DCT: variants seen among roughly 807,000 people sequenced by gnomAD.
DCT encodes L-dopachrome tautomerase.
Under a neutral mutation model 53.0 loss-of-function variants are expected in DCT, and 47 were observed. The observed-to-expected ratio is 0.89, with a 90% CI of 0.70 to 1.13. The LOEUF is 1.13. Ranked by LOEUF, DCT falls within the 50% of genes most tolerant of loss-of-function variation. DCT has a pLI of 0.00. For missense variants in DCT, 669 were observed against 637.4 expected (o/e 1.05, Z -0.53); for synonymous variants, 244 against 237.0 (o/e 1.03, Z -0.27).
At chr13:94,541,372 TG>T in the DCT span, among the ~76,000 whole-genome samples, 2 of 151,946 alleles carry the variant, frequency 1.3e-5, no homozygotes, top group African/African-American at 4.8e-5. Flanking sequence ...GACGTGGTAG[TG>T]GGCACTTGTA....
chr13:94,455,476 G>A (rs1400565529), intron 6 of DCT, among the ~76,000 whole-genome samples: 3 of 151,834 alleles, frequency 2.0e-5, no homozygotes, highest in Non-Finnish European at 4.4e-5. Flanking sequence ...ACCACAGGTT[G>A]ATAAATTAAA....
chr13:94,508,004 AT>A, the DCT span, among the ~76,000 whole-genome samples: 475 of 152,310 alleles, frequency 3.1e-3, 2 homozygotes, highest in African/African-American at 0.011. Context: ...CTTTAGTCAC[AT>A]TTTTATAAGT....
chr13:94,491,442 T>A, the DCT span, among the ~76,000 whole-genome samples: 3 of 152,290 alleles, frequency 2.0e-5, no homozygotes, highest in East Asian at 5.8e-4. Context: ...TCATCTTAAT[T>A]AATTATTACC....
chr13:94,443,329 G>T, intron 7 of DCT, 107 bp downstream of exon 7: 1 of 901,898 alleles, frequency 1.1e-6, no homozygotes, highest in Non-Finnish European at 1.7e-6. Context: ...AACTAGACCT[G>T]AAAGCTTCGG....
the DCT span, among the ~76,000 whole-genome samples, chr13:94,544,374 G>A: frequency 5.9e-5 from 9 of 152,118 alleles, no homozygotes; most frequent in East Asian, 3.9e-4. Flanking sequence ...TGGGGAAAGC[G>A]GGTTTGCTCA....
chr13:94,507,611 C>T, the DCT span, among the ~76,000 whole-genome samples: 1 of 151,888 alleles, frequency 6.6e-6, no homozygotes, highest in South Asian at 2.1e-4. Flanking sequence ...CGCCATTCTC[C>T]TGCCTCAGCC....
In DCT at chr13:94,465,730, C is replaced by T. The variant is rs1175691159; in HGVS notation, c.766G>A (p.Val256Met). The T allele has an allele frequency of 3.1e-6, 5 of 1,613,046 alleles. No homozygotes were observed. The highest frequency in any genetic ancestry group is 3.4e-6 in the Non-Finnish European group (4 of 1,179,714). ...GCCCCAAACAGCTGGTCTGTACACA[C>T]ATCACACTCGTTCCTCCCAGTGGCA... ...NFATGRNECD[V>M]CTDQLFGAAR... Residue 256 changes from valine to methionine, a missense_variant, in exon 4 of 8, where the codon GTG becomes ATG. Val to Met is a conservative substitution (Grantham distance 21). Coordinates refer to ENST00000377028, the MANE Select transcript of DCT (RefSeq NM_001922.5).
At chr13:94,496,967 G>A in the DCT span, among the ~76,000 whole-genome samples, 1 of 152,198 alleles carries the variant, frequency 6.6e-6, no homozygotes, top group South Asian at 2.1e-4. Flanking sequence ...GTTAAGAGTT[G>A]AACTAAATTG....
chr13:94,474,264 A>G (rs1414393405), intron 1 of DCT, among the ~76,000 whole-genome samples: 2 of 150,048 alleles, frequency 1.3e-5, no homozygotes, highest in South Asian at 2.1e-4. Flanking sequence ...AATGGAAAAA[A>G]GAGTGAGATC....
chr13:94,458,539 C>T (rs533603463), intron 6 of DCT, among the ~76,000 whole-genome samples: 1 of 152,222 alleles, frequency 6.6e-6, no homozygotes, highest in South Asian at 2.1e-4. Flanking sequence ...CCCAGTGGTT[C>T]ACGCCTGTAA....
chr13:94,473,164 A>C (rs923350196), intron 1 of DCT, among the ~76,000 whole-genome samples: 1 of 152,184 alleles, frequency 6.6e-6, no homozygotes, highest in Non-Finnish European at 1.5e-5. Flanking sequence ...GTTCAACTTA[A>C]AATTTTTCAA....
chr13:94,504,526 C>T, the DCT span, among the ~76,000 whole-genome samples: 4 of 152,132 alleles, frequency 2.6e-5, no homozygotes, highest in Admixed American at 1.3e-4. Flanking sequence ...TGCCACAATG[C>T]CCGGCTAATT....
At chr13:94,531,326 A>C in the DCT span, among the ~76,000 whole-genome samples, 474 of 152,262 alleles carry the variant, frequency 3.1e-3, 2 homozygotes, top group African/African-American at 0.011. Context: ...AGAGCCCACA[A>C]TGCCAAGACA....
At chr13:94,519,678 T>A in the DCT span, among the ~76,000 whole-genome samples, 1 of 152,222 alleles carries the variant, frequency 6.6e-6, no homozygotes, top group Admixed American at 6.5e-5. Flanking sequence ...AGGGACTGCA[T>A]CTGCTGAAGA....
chr13:94,511,034 A>C, the DCT span, among the ~76,000 whole-genome samples: 1 of 152,278 alleles, frequency 6.6e-6, no homozygotes, highest in East Asian at 1.9e-4. Flanking sequence ...TCTTCCATCT[A>C]ATTTATTGTA....
intron 7 of DCT, 135 bp from the exon 8 acceptor site, chr13:94,440,211 T>G (rs1594265211): frequency 1.6e-6 from 1 of 638,736 alleles, no homozygotes; most frequent in East Asian, 2.8e-5. Context: ...AGACTAAAAT[T>G]TATCTTCTCC....
the DCT span, among the ~76,000 whole-genome samples, chr13:94,526,767 G>A: frequency 2.6e-5 from 4 of 152,242 alleles, no homozygotes; most frequent in Admixed American, 6.5e-5. Flanking sequence ...CATTGGGACC[G>A]GTTGGATAGT....
chr13:94,486,589 A>G, the DCT span, among the ~76,000 whole-genome samples: 10,729 of 152,260 alleles, frequency 0.07, 1,260 homozygotes, highest in African/African-American at 0.24. Context: ...ACATTTCCCA[A>G]TGTCATTTTA....
the DCT span, among the ~76,000 whole-genome samples, chr13:94,503,770 A>G: frequency 6.6e-6 from 1 of 152,340 alleles, no homozygotes; most frequent in East Asian, 1.9e-4. Flanking sequence ...AGAATAAATT[A>G]CTGCTGTTTT....
Sources: gnomAD v4.1 joint callset for allele counts (sites outside exome capture counted in the v4.1 genomes callset) on GRCh38, gnomAD v4.1.1 for gene constraint, MANE v1.5 for transcripts, NCBI Gene and HGNC (gene_info 2026-07-23, HGNC 2026-07-21) for gene names.